Variants in CFDP1 observed in about 807,000 individuals in gnomAD.
The protein encoded by CFDP1 is heterochromatin-stabilizing protein CFDP1.
Under a neutral mutation model 40.1 loss-of-function variants are expected in CFDP1, and 31 were observed. The observed-to-expected ratio is 0.77, with a 90% CI of 0.58 to 1.04. The LOEUF is 1.04. CFDP1 is among the 50% of genes least tolerant of loss of function. The pLI, the probability that CFDP1 is intolerant of heterozygous loss-of-function variation, is 0.00. For synonymous variants in CFDP1, 167 were observed against 120.0 expected (o/e 1.39, Z -2.56); for missense variants, 423 against 343.4 (o/e 1.23, Z -1.83).
chr16:75,418,223 G>GC (rs985865404), intron 1 of CFDP1, among the ~76,000 whole-genome samples: 3 of 119,136 alleles, frequency 2.5e-5, no homozygotes, highest in Non-Finnish European at 4.8e-5. Context: ...CTGCACTCCA[G>GC]CCTGGGCAAC....
At chr16:75,418,252 C>CAAAAAAA (rs34789992) in intron 1 of CFDP1, among the ~76,000 whole-genome samples, 10 of 57,010 alleles carry the variant, frequency 1.8e-4, no homozygotes, top group East Asian at 7.9e-4. Context: ...AACTCTGTCT[C>CAAAAAAA]AAAAAAAAAA....
chr16:75,431,332 T>C (rs1027881431), intron 1 of CFDP1, among the ~76,000 whole-genome samples: 15 of 151,016 alleles, frequency 9.9e-5, no homozygotes, highest in African/African-American at 3.6e-4. Flanking sequence ...CGGGGACCTG[T>C]AGTCCCAGCT....
Position 75,328,078 on chromosome 16 carries a change from G to A in CFDP1, c.651-22896C>T, listed in dbSNP as rs118129731. Among the ~76,000 whole-genome samples, 337 of 151,816 alleles carry A rather than the reference G, an allele frequency of 2.2e-3. 16 individuals are homozygous for A. In the East Asian group the frequency reaches 0.06, roughly 27 times the overall value. On this transcript the variant is annotated intron_variant, in intron 5 of 6. Coordinates refer to ENST00000283882, the MANE Select transcript of CFDP1 (RefSeq NM_006324.3). ...ACTGGAAGAATGGAAAGAGAACTGG[G>A]ATGTTGAGGGGCAGGAGGTGGTATG...
chr16:75,414,677 T>C lies in CFDP1; in HGVS notation c.83A>G (p.Asp28Gly). ...TTCCTTCACTAATTCATTTACATCA[T>C]CTTCACTATACTCTCCACCTGAAAT... The part of the protein sequence containing the change: ...YVPSGGEYSE[D>G]DVNELVKEDE... The change falls in exon 2 of 7, where the codon GAT becomes GGT. Residue 28 changes from aspartate to glycine, a missense_variant. Transcript: ENST00000283882. 2 of 1,609,426 alleles carry C rather than the reference T, an allele frequency of 1.2e-6. No individual in the cohort carries two copies. Among genetic ancestry groups the C allele is most frequent in the Non-Finnish European group, 8.5e-7 (1 of 1,175,822 alleles).
intron 5 of CFDP1, among the ~76,000 whole-genome samples, chr16:75,374,202 G>C (rs559840843): frequency 6.6e-6 from 1 of 151,994 alleles, no homozygotes; most frequent in African/African-American, 2.4e-5. Flanking sequence ...GCAATGAACC[G>C]AGATCGCGCC....
intron 5 of CFDP1, among the ~76,000 whole-genome samples, chr16:75,354,078 T>G (rs2078630517): frequency 6.6e-6 from 1 of 152,152 alleles, no homozygotes; most frequent in African/African-American, 2.4e-5. Context: ...AGTATAGTAT[T>G]TGATAAATTA....
At chr16:75,364,234 G>A (rs1245935274) in intron 5 of CFDP1, among the ~76,000 whole-genome samples, 1 of 152,118 alleles carries the variant, frequency 6.6e-6, no homozygotes, top group Non-Finnish European at 1.5e-5. Context: ...TAAAAAAATG[G>A]TATTAATGTA....
At chr16:75,387,140 CTTTT>C (rs11303354) in intron 5 of CFDP1, among the ~76,000 whole-genome samples, 53 of 128,478 alleles carry the variant, frequency 4.1e-4, no homozygotes, top group Non-Finnish European at 5.1e-4. Flanking sequence ...TCTTTTCTTT[CTTTT>C]TTTTTTTTTT....
intron 5 of CFDP1, among the ~76,000 whole-genome samples, chr16:75,352,459 C>T (rs2078619625): frequency 6.6e-6 from 1 of 152,048 alleles, no homozygotes; most frequent in Non-Finnish European, 1.5e-5. Flanking sequence ...GACTTATTAT[C>T]TTTAGAAGCA....
At chr16:75,336,499 C>G (rs149017178) in intron 5 of CFDP1, among the ~76,000 whole-genome samples, 2 of 152,188 alleles carry the variant, frequency 1.3e-5, no homozygotes, top group Non-Finnish European at 2.9e-5. Flanking sequence ...GGGAGAAGAC[C>G]CTCCACTTCT....
intron 5 of CFDP1, among the ~76,000 whole-genome samples, chr16:75,367,201 A>C (rs2151536056): frequency 6.6e-6 from 1 of 151,852 alleles, no homozygotes; most frequent in South Asian, 2.1e-4. Context: ...ACAAATTATT[A>C]AACTATACAT....
At chr16:75,328,845 A>ATTT (rs569396422) in intron 5 of CFDP1, among the ~76,000 whole-genome samples, 1 of 131,582 alleles carries the variant, frequency 7.6e-6, no homozygotes, top group Non-Finnish European at 1.6e-5. Flanking sequence ...TGCTCAGCGA[A>ATTT]TTTTTTTTTT....
At chr16:75,408,598 G>A (rs1417251850) in intron 4 of CFDP1, among the ~76,000 whole-genome samples, 1 of 151,898 alleles carries the variant, frequency 6.6e-6, no homozygotes, top group East Asian at 2.0e-4. Flanking sequence ...CCAAAATGGT[G>A]AAATCCCATA....
intron 5 of CFDP1, among the ~76,000 whole-genome samples, chr16:75,348,420 T>C (rs2078585401): frequency 6.6e-6 from 1 of 152,214 alleles, no homozygotes; most frequent in African/African-American, 2.4e-5. Context: ...AAATCTAAAG[T>C]TATTTCAAAA....
At chr16:75,309,334 T>A (rs544468875) in intron 5 of CFDP1, among the ~76,000 whole-genome samples, 1 of 149,612 alleles carries the variant, frequency 6.7e-6, no homozygotes, top group Admixed American at 6.6e-5. Flanking sequence ...CGGGAGAGAA[T>A]CAGTCTCTGG....
intron 5 of CFDP1, among the ~76,000 whole-genome samples, chr16:75,356,903 CTTTCTTTCTTTTTT>C (rs1385489483): frequency 2.7e-5 from 1 of 37,322 alleles, no homozygotes; most frequent in Non-Finnish European, 7.4e-5. Flanking sequence ...GAAACAGCTG[CTTTCTTTCTTTTTT>C]TTTTTTTTTT....
At chr16:75,390,785 C>G (rs1423405513) in intron 5 of CFDP1, among the ~76,000 whole-genome samples, 1 of 152,206 alleles carries the variant, frequency 6.6e-6, no homozygotes, top group Admixed American at 6.5e-5. Flanking sequence ...TCAGGAGGTC[C>G]ATTCCACCTA....
chr16:75,406,895 C>T (rs939412285), intron 4 of CFDP1, among the ~76,000 whole-genome samples: 2 of 152,000 alleles, frequency 1.3e-5, no homozygotes, highest in Non-Finnish European at 2.9e-5. Context: ...GTGGCAGATG[C>T]CTGTAATCCC....
intron 5 of CFDP1, among the ~76,000 whole-genome samples, chr16:75,384,194 T>C (rs140329032): frequency 0.015 from 2,355 of 152,004 alleles, 61 homozygotes; most frequent in African/African-American, 0.053. Context: ...CCATCTCTAC[T>C]AAAAATACAA....
Sources: allele counts gnomAD v4.1 joint callset (sites outside exome capture counted in the v4.1 genomes callset), GRCh38; gene constraint gnomAD v4.1.1; transcripts MANE v1.5; gene names NCBI Gene and HGNC (gene_info 2026-07-23, HGNC 2026-07-21).